Variants in RGS7 observed in about 807,000 individuals in gnomAD.
RGS7 encodes regulator of G-protein signaling 7.
In RGS7, 27 loss-of-function variants were observed where a neutral mutation model predicts 81.1. The ratio of observed to expected loss-of-function variants is 0.33; its 90% CI spans 0.25 to 0.46. The LOEUF (loss-of-function observed/expected upper bound fraction) is 0.46. Ranked by LOEUF, RGS7 falls within the 20% of genes least tolerant of loss-of-function variation. The pLI, the probability that RGS7 is intolerant of heterozygous loss-of-function variation, is 1.00. For missense variants in RGS7, 396 were observed against 607.4 expected (o/e 0.65, Z 3.66); for synonymous variants, 208 against 207.7 (o/e 1.00, Z -0.01).
At chr1:241,213,739 G>C (rs2147940740) in intron 2 of RGS7, among the ~76,000 whole-genome samples, 1 of 152,128 alleles carries the variant, frequency 6.6e-6, no homozygotes, top group South Asian at 2.1e-4. Context: ...TACTTTATCA[G>C]GTATGAAGAT....
intron 6 of RGS7, among the ~76,000 whole-genome samples, chr1:240,928,080 T>C (rs1572808334): frequency 6.6e-6 from 1 of 152,206 alleles, no homozygotes; most frequent in Non-Finnish European, 1.5e-5. Context: ...CAACCCTTGA[T>C]CTTGTTGCAT....
At chr1:240,999,878 C>T (rs1282120235) in intron 3 of RGS7, among the ~76,000 whole-genome samples, 2 of 152,306 alleles carry the variant, frequency 1.3e-5, no homozygotes, top group South Asian at 2.1e-4. Context: ...GCTGCGACTA[C>T]AGGCGTGAGC....
chr1:240,827,904 T>C (rs904413832), intron 9 of RGS7, among the ~76,000 whole-genome samples: 3 of 142,712 alleles, frequency 2.1e-5, no homozygotes, highest in African/African-American at 5.2e-5. Context: ...TGTTATTAGA[T>C]GGGTGCCTTG....
At chr1:240,914,233 G>A (rs261792) in intron 6 of RGS7, among the ~76,000 whole-genome samples, 77,165 of 151,926 alleles carry the variant, frequency 0.51, 20,402 homozygotes, top group Middle Eastern at 0.65. Flanking sequence ...TGCTAATTTT[G>A]TTCTTTACAG....
intron 18 of RGS7, 126 bp downstream of exon 18, chr1:240,800,515 A>G (rs1435232280): frequency 6.7e-6 from 3 of 450,770 alleles, no homozygotes; most frequent in Admixed American, 4.2e-5. Flanking sequence ...TTCAACACAC[A>G]TAACTCCACT....
intron 4 of RGS7, among the ~76,000 whole-genome samples, chr1:240,962,316 C>CT (rs756627237): frequency 1.3e-5 from 2 of 152,156 alleles, no homozygotes; most frequent in African/African-American, 4.8e-5. Flanking sequence ...TCTCCGGCTC[C>CT]TGACCTAGTT....
At chr1:241,071,410 T>C (rs3003554) in intron 3 of RGS7, among the ~76,000 whole-genome samples, 147,953 of 152,156 alleles carry the variant, frequency 0.97, 72,063 homozygotes, top group East Asian at 1. Flanking sequence ...CAAAACTCCT[T>C]AGTTTCTGTT....
chr1:241,336,150 TAG>T (rs971802829), intron 2 of RGS7, among the ~76,000 whole-genome samples: 2 of 151,974 alleles, frequency 1.3e-5, no homozygotes, highest in African/African-American at 4.8e-5. Context: ...ATCTGAGGAG[TAG>T]AGAGGCTAAA....
intron 2 of RGS7, among the ~76,000 whole-genome samples, chr1:241,134,928 C>T (rs1276268460): frequency 6.6e-6 from 1 of 152,080 alleles, no homozygotes; most frequent in East Asian, 1.9e-4. Context: ...CCGGAAGACA[C>T]CTACCCCGGC....
chr1:241,238,531 CTCTTT>C (rs2076100650), intron 2 of RGS7, among the ~76,000 whole-genome samples: 1 of 152,008 alleles, frequency 6.6e-6, no homozygotes, highest in African/African-American at 2.4e-5. Context: ...CACCCTCTCT[CTCTTT>C]TTTCTTTTAA....
chr1:240,897,230 G>A (rs1040355789), intron 6 of RGS7, among the ~76,000 whole-genome samples: 5 of 152,140 alleles, frequency 3.3e-5, no homozygotes, highest in Admixed American at 3.3e-4. Context: ...TCTGCAAATA[G>A]GGACAATTTG....
intron 2 of RGS7, among the ~76,000 whole-genome samples, chr1:241,293,074 A>G (rs747040011): frequency 3.9e-5 from 6 of 152,222 alleles, no homozygotes; most frequent in Non-Finnish European, 8.8e-5. Context: ...AAAGTCATCA[A>G]TTGCTTAACA....
chr1:241,109,094 CT>C (rs2065329422), intron 2 of RGS7, among the ~76,000 whole-genome samples: 2 of 152,116 alleles, frequency 1.3e-5, no homozygotes, highest in African/African-American at 4.8e-5. Context: ...TTCCATTGGC[CT>C]GACAACCCCA....
At chr1:240,837,266 A>T (rs1425312832) in intron 9 of RGS7, among the ~76,000 whole-genome samples, 1 of 152,192 alleles carries the variant, frequency 6.6e-6, no homozygotes, top group Non-Finnish European at 1.5e-5. Flanking sequence ...TTCCTGTGAC[A>T]CCTGGCCTGC....
chr1:241,240,728 T>C (rs1055763091), intron 2 of RGS7, among the ~76,000 whole-genome samples: 11 of 152,220 alleles, frequency 7.2e-5, no homozygotes, highest in Admixed American at 5.2e-4. Flanking sequence ...ATGTTAATCA[T>C]AACATGGAGC....
At chr1:241,140,229 G>A (rs1350381101) in intron 2 of RGS7, among the ~76,000 whole-genome samples, 7 of 152,114 alleles carry the variant, frequency 4.6e-5, no homozygotes, top group Non-Finnish European at 1.0e-4. Context: ...GCCTTTCCCT[G>A]CCTAGTTTTT....
chr1:241,223,138 A>G (rs968200066), intron 2 of RGS7, among the ~76,000 whole-genome samples: 2 of 152,076 alleles, frequency 1.3e-5, no homozygotes, highest in Non-Finnish European at 2.9e-5. Context: ...GAGAACCACT[A>G]TAATTGAGAA....
chr1:241,018,133 A>ATTTTTTTTTTT (rs34587479), intron 3 of RGS7, among the ~76,000 whole-genome samples: 91 of 114,396 alleles, frequency 8.0e-4, no homozygotes, highest in African/African-American at 1.6e-3. Context: ...TGCCCAGCTA[A>ATTTTTTTTTTT]TTTTTTTTTT....
intron 2 of RGS7, among the ~76,000 whole-genome samples, chr1:241,236,600 ACAAG>A (rs2075991822): frequency 6.6e-6 from 1 of 152,226 alleles, no homozygotes; most frequent in East Asian, 1.9e-4. Context: ...CCTCGAAACC[ACAAG>A]CTAAGTCAAA....
Sources: allele counts gnomAD v4.1 joint callset (sites outside exome capture counted in the v4.1 genomes callset), GRCh38; gene constraint gnomAD v4.1.1; transcripts MANE v1.5; gene names NCBI Gene and HGNC (gene_info 2026-07-23, HGNC 2026-07-21).